The following TOP2B variants were observed in gnomAD, a reference collection of about 807,000 sequenced individuals.
TOP2B encodes DNA topoisomerase II beta.
In TOP2B, 51 loss-of-function variants were observed where a neutral mutation model predicts 193.5. The ratio of observed to expected loss-of-function variants is 0.26; its 90% CI spans 0.21 to 0.33. TOP2B has a LOEUF of 0.33. Ranked by LOEUF, TOP2B falls within the 10% of genes least tolerant of loss-of-function variation. The pLI is 1.00. For missense variants in TOP2B, 1,378 were observed against 1,909.3 expected, an observed-to-expected ratio of 0.72 and a Z score of 5.19; for synonymous variants, 634 against 635.7, an observed-to-expected ratio of 1.00 and a Z score of 0.04.
intron 7 of TOP2B, among the ~76,000 whole-genome samples, chr3:25,635,084 G>C (rs2125384227): frequency 6.6e-6 from 1 of 152,254 alleles, no homozygotes; most frequent in African/African-American, 2.4e-5. Context: ...AGAGCTGCAA[G>C]AGACAGATCA....
rs777837072 is a variant in TOP2B at position 25,664,243 on chromosome 3, C to T, written c.55G>A (p.Ala19Thr). 6.2e-5 allele frequency: 95 copies of T among 1,538,788 alleles called. No homozygotes were observed. In the Middle Eastern group the frequency reaches 3.9e-3, roughly 62 times the overall value. ...AGAGVGGGNG[A>T]LTWVTLFDQN... ...CAGCCACTTACCACCCAGGTCAGTG[C>T]CCCGTTGCCGCCGCCCACGCCGGCT... The change falls in exon 1 of 36, where the codon GCA becomes ACA. Residue 19 changes from alanine to threonine, a missense_variant. Transcript: ENST00000264331.
rs762081494 is a variant in TOP2B at position 25,630,061 on chromosome 3, G to GT, written c.1656dup (p.Arg553ThrfsTer24). The stretch of plus-strand genomic sequence containing the variant: ...GTCATAATCATAATCTTTCCATAGC[G>GT]TAAGGTTTTCAGAGATTCTGCATCA... On this transcript the variant is annotated frameshift_variant, in exon 13 of 36. Transcript: ENST00000264331. LOFTEE classifies it high-confidence loss of function. The GT allele has an allele frequency of 1.2e-6, 2 of 1,608,346 alleles. No individual in the cohort carries two copies. Among genetic ancestry groups the GT allele is most frequent in the Non-Finnish European group, 1.7e-6 (2 of 1,177,482 alleles).
At chr3:25,607,522 CCAA>C in intron 30 of TOP2B, 147 bp from the exon 31 acceptor site, 1 of 1,156,352 alleles carries the variant, frequency 8.6e-7, no homozygotes, top group Non-Finnish European at 1.2e-6. Flanking sequence ...AGAATAAAAG[CCAA>C]CAACTTTGGC....
At chr3:25,648,775 T>A (rs759735338) in intron 1 of TOP2B, among the ~76,000 whole-genome samples, 1 of 152,126 alleles carries the variant, frequency 6.6e-6, no homozygotes, top group Non-Finnish European at 1.5e-5. Flanking sequence ...GACGGGAGGA[T>A]TGCCTGAGCC....
intron 4 of TOP2B, among the ~76,000 whole-genome samples, chr3:25,640,272 A>C (rs952590331): frequency 3.3e-5 from 5 of 152,200 alleles, no homozygotes; most frequent in African/African-American, 1.2e-4. Context: ...AACTTCTCAC[A>C]AAATGCTTGC....
At chr3:25,602,693 G>A (rs1259738299) in intron 33 of TOP2B, among the ~76,000 whole-genome samples, 1 of 152,086 alleles carries the variant, frequency 6.6e-6, no homozygotes, top group Non-Finnish European at 1.5e-5. Flanking sequence ...CTCCTAGCAG[G>A]GAGTATAAAC....
In TOP2B at chr3:25,632,489, CT is replaced by C; in HGVS notation, c.1222del (p.Ser408ValfsTer22). The C allele has an allele frequency of 1.3e-6, 2 of 1,582,588 alleles. No homozygotes were observed. The highest frequency in any genetic ancestry group is 1.7e-6 in the Non-Finnish European group (2 of 1,165,884). On this transcript the variant is annotated frameshift_variant, in exon 10 of 36. Transcript: ENST00000264331. LOFTEE classifies it high-confidence loss of function. Reference sequence around the variant, plus strand: ...TGACAGCTGGCATTTAGACCCAAAACTTTTGGGCTGCAGAGTCATGTTTTCC... The same window carrying C: ...TGACAGCTGGCATTTAGACCCAAAACTTTGGGCTGCAGAGTCATGTTTTCC... The part of the protein sequence containing the change: ...TKENMTLQPK[S>X]FGSKCQLSEK...
In TOP2B at chr3:25,618,660, T is replaced by C; in HGVS notation, c.3253A>G (p.Thr1085Ala). 1 of 1,605,742 alleles carries C rather than the reference T, an allele frequency of 6.2e-7. No homozygotes were observed. The highest frequency in any genetic ancestry group is 8.5e-7 in the Non-Finnish European group (1 of 1,177,284). ...TTTAAAGGTTGTATCTTACCTATAG[T>C]AATTTTCCCTTGTATCTTCTCTAAA... The part of the protein sequence containing the change: ...FILEKIQGKI[T>A]IENRSKKDLI... The change falls in exon 24 of 36, where the codon ACT becomes GCT. Residue 1085 changes from threonine to alanine, a missense_variant. Transcript: ENST00000264331.
At chr3:25,654,241 T>C (rs1216771709) in intron 1 of TOP2B, among the ~76,000 whole-genome samples, 1 of 152,166 alleles carries the variant, frequency 6.6e-6, no homozygotes, top group Non-Finnish European at 1.5e-5. Context: ...TAATAAATGA[T>C]TTCAGCAAGT....
In TOP2B at chr3:25,645,441, T is replaced by C. The variant is rs1703389392; in HGVS notation, c.99A>G (p.Lys33=). The C allele has an allele frequency of 6.2e-7, 1 of 1,613,422 alleles. No individual in the cohort carries two copies. Among genetic ancestry groups the C allele is most frequent in the African/African-American group, 1.3e-5 (1 of 74,920 alleles). Residue 33 remains lysine (K), a synonymous_variant, in exon 2 of 36, where the codon AAA becomes AAG. Transcript: ENST00000264331. The stretch of plus-strand genomic sequence containing the variant: ...TGTTGGCAGTTTCTGACTCTTCTTT[T>C]TTTGCAGCATTGTTCTGATCAAAAA... ...VTLFDQNNAA[K]KEESETANKN... is the part of the protein sequence containing the mutation.
Position 25,609,164 on chromosome 3 carries a change from A to G in TOP2B, c.4093+19T>C. 6.3e-7 allele frequency: 1 copy of G among 1,589,430 alleles called. No homozygotes were observed. Among genetic ancestry groups the G allele is most frequent in the Non-Finnish European group, 8.6e-7 (1 of 1,165,786 alleles). On this transcript the variant is annotated intron_variant, in intron 30 of 35. Transcript: ENST00000264331. ...AGGTTAAACTATAATATACAGTAAT[A>G]TTAAATGTGTTACAATACCTGCTGC...
chr3:25,601,919 C>T (rs1484985491), intron 33 of TOP2B, among the ~76,000 whole-genome samples: 2 of 152,004 alleles, frequency 1.3e-5, no homozygotes, highest in Non-Finnish European at 2.9e-5. Flanking sequence ...GTATGGGATC[C>T]TCGAATACAA....
chr3:25,645,159 C>CTA, intron 2 of TOP2B, 141 bp downstream of exon 2: 2 of 798,770 alleles, frequency 2.5e-6, no homozygotes, highest in Non-Finnish European at 3.8e-6. Flanking sequence ...ATTTCTACTT[C>CTA]TAGATCTTTC....
chr3:25,631,210 T>C (rs987231778), intron 10 of TOP2B, among the ~76,000 whole-genome samples: 1 of 152,132 alleles, frequency 6.6e-6, no homozygotes, highest in African/African-American at 2.4e-5. Flanking sequence ...TATGCATTGC[T>C]CTTGTTACAA....
intron 27 of TOP2B, among the ~76,000 whole-genome samples, chr3:25,613,432 T>C (rs1702429455): frequency 6.6e-6 from 1 of 152,144 alleles, no homozygotes; most frequent in Admixed American, 6.5e-5. Context: ...TAGTTATGTA[T>C]CCTCAGGAAA....
intron 19 of TOP2B, 53 bp from the exon 20 acceptor site, chr3:25,624,498 A>T: frequency 1.3e-6 from 2 of 1,575,788 alleles, no homozygotes; most frequent in Non-Finnish European, 1.7e-6. Flanking sequence ...ATTTTCTATA[A>T]TTACTCCCCA....
intron 29 of TOP2B, 51 bp from the exon 30 acceptor site, chr3:25,609,395 C>A: frequency 3.4e-6 from 5 of 1,488,110 alleles, no homozygotes; most frequent in Non-Finnish European, 4.5e-6. Context: ...ATAGAAATGT[C>A]ATTAGTAAAA....
intron 1 of TOP2B, among the ~76,000 whole-genome samples, chr3:25,655,525 T>C (rs886724911): frequency 6.6e-6 from 1 of 152,204 alleles, no homozygotes; most frequent in Non-Finnish European, 1.5e-5. Context: ...GCAATCCCAC[T>C]TTTGGGTATA....
At chr3:25,601,416 C>G (rs1702091694) in intron 33 of TOP2B, among the ~76,000 whole-genome samples, 191 bp from the exon 34 acceptor site, 1 of 152,114 alleles carries the variant, frequency 6.6e-6, no homozygotes, top group African/African-American at 2.4e-5. Context: ...GTCAGCAGTT[C>G]AAGACCAGCC....
Sources: allele counts gnomAD v4.1 joint callset (sites outside exome capture counted in the v4.1 genomes callset), GRCh38; gene constraint gnomAD v4.1.1; transcripts MANE v1.5; gene names NCBI Gene and HGNC (gene_info 2026-07-23, HGNC 2026-07-21).